The following DNAH11 variants were observed in gnomAD, a reference collection of about 807,000 sequenced individuals.
DNAH11 encodes axonemal beta dynein heavy chain 11.
In DNAH11, 442 loss-of-function variants were observed where a neutral mutation model predicts 526.0. That is an observed-to-expected ratio of 0.84 (90% CI 0.78 to 0.91). The LOEUF (loss-of-function observed/expected upper bound fraction) is 0.91. DNAH11 is among the 40% of genes least tolerant of loss of function. The probability of loss-of-function intolerance (pLI) is 0.00; values close to 1 mark genes in which losing one functional copy is unlikely to be tolerated. For synonymous variants in DNAH11, 2,461 were observed against 1,935.9 expected (o/e 1.27, Z -7.12); for missense variants, 6,989 against 5,448.7 (o/e 1.28, Z -8.90).
At chr7:21,742,191 C>T in intron 49 of DNAH11, 25 bp downstream of exon 49, 1 of 1,608,394 alleles carries the variant, frequency 6.2e-7, no homozygotes, top group South Asian at 1.1e-5. Flanking sequence ...CTATGTTATG[C>T]CTCTTGAGTA....
intron 74 of DNAH11, among the ~76,000 whole-genome samples, chr7:21,877,644 G>A (rs1045267290): frequency 1.3e-5 from 2 of 151,966 alleles, no homozygotes; most frequent in African/African-American, 4.8e-5. Flanking sequence ...GGGAGGCCGA[G>A]GCGGGCGGAT....
At chr7:21,680,237 C>T (rs1783083907) in intron 30 of DNAH11, among the ~76,000 whole-genome samples, 1 of 152,130 alleles carries the variant, frequency 6.6e-6, no homozygotes, top group Non-Finnish European at 1.5e-5. Context: ...CAGTAGGCTA[C>T]AAAGGTTTGA....
intron 66 of DNAH11, among the ~76,000 whole-genome samples, chr7:21,846,931 C>T (rs533968136): frequency 6.6e-6 from 1 of 152,158 alleles, no homozygotes; most frequent in Admixed American, 6.5e-5. Flanking sequence ...AGATTCTGCC[C>T]TCCAAAGTTT....
intron 30 of DNAH11, among the ~76,000 whole-genome samples, chr7:21,667,015 C>T (rs1227701861): frequency 6.6e-6 from 1 of 151,980 alleles, no homozygotes; most frequent in African/African-American, 2.4e-5. Context: ...CAGTCCAAAC[C>T]TATAAAAAGA....
intron 9 of DNAH11, 83 bp from the exon 10 acceptor site, chr7:21,587,979 AAG>A: frequency 7.7e-7 from 1 of 1,296,862 alleles, no homozygotes; most frequent in Non-Finnish European, 1.1e-6. Flanking sequence ...TTAGTCATGT[AAG>A]AGGTTTGAAG....
Position 21,658,930 on chromosome 7 carries a change from C to G in DNAH11, c.5227C>G (p.Leu1743Val). Residue 1743 changes from leucine to valine, a missense_variant, in exon 30 of 82, where the codon CTA becomes GTA. By Grantham distance (32) the Leu-to-Val change is conservative. Coordinates refer to ENST00000409508, the MANE Select transcript of DNAH11 (RefSeq NM_001277115.2). Reference sequence around the variant, plus strand: ...TTTTGATTTCCCAGCTCAGGTTGCACTAACCAGCTCACAAATATGGTGGAC... The same window carrying G: ...TTTTGATTTCCCAGCTCAGGTTGCAGTAACCAGCTCACAAATATGGTGGAC... Reference protein sequence around the residue: ...WIFDFPAQVALTSSQIWWTTD... With the variant: ...WIFDFPAQVAVTSSQIWWTTD... 1 of 1,610,630 alleles carries G rather than the reference C, an allele frequency of 6.2e-7. No individual in the cohort carries two copies. The highest frequency in any genetic ancestry group is 8.5e-7 in the Non-Finnish European group (1 of 1,178,562).
chr7:21,754,443 T>G (rs1441587993), intron 54 of DNAH11, among the ~76,000 whole-genome samples: 1 of 152,336 alleles, frequency 6.6e-6, no homozygotes, highest in East Asian at 1.9e-4. Context: ...TAGGCAGACC[T>G]TACTGAAACT....
chr7:21,552,360 A>T (rs571458263), intron 2 of DNAH11, among the ~76,000 whole-genome samples: 1 of 152,194 alleles, frequency 6.6e-6, no homozygotes, highest in Non-Finnish European at 1.5e-5. Context: ...AAACCTAAAA[A>T]TTTTTGGAGT....
In DNAH11 at chr7:21,545,274, T is replaced by TAAAAAAAAAAAAA. The variant is rs10634177; in HGVS notation, c.495+135_495+147dup. 34 of 131,792 alleles carry TAAAAAAAAAAAAA rather than the reference T, an allele frequency of 2.6e-4. 3 individuals carry two copies. Among genetic ancestry groups the TAAAAAAAAAAAAA allele is most frequent in the African/African-American group, 1.6e-3 (30 of 18,360 alleles). 8.2% of individuals were successfully genotyped at this position (131,792 alleles called of 1,614,324 possible). A position where few individuals can be genotyped will look rare whatever the true frequency, so the allele number is the denominator to read the frequency against. On this transcript the variant is annotated intron_variant, in intron 2 of 81. Transcript: ENST00000409508. ...GGGAAGGGAAGGGGATGGGGGTGGTTAAAAAAAAAAAAAAAAAAAAAAGCT... is the reference window on the plus strand; with the variant it reads ...GGGAAGGGAAGGGGATGGGGGTGGTTAAAAAAAAAAAAAAAAAAAAAAAAAAAAAAAAAAAGCT...
chr7:21,638,721 T>TGC (rs930387094), intron 27 of DNAH11, among the ~76,000 whole-genome samples: 1 of 151,738 alleles, frequency 6.6e-6, no homozygotes, highest in African/African-American at 2.4e-5. Context: ...TGTGTGTGTG[T>TGC]GTGTGTGTGT....
At chr7:21,583,705 A>G (rs909249674) in intron 9 of DNAH11, among the ~76,000 whole-genome samples, 1 of 152,238 alleles carries the variant, frequency 6.6e-6, no homozygotes, top group Non-Finnish European at 1.5e-5. Flanking sequence ...TCTAATATCC[A>G]GAATCTACAA....
intron 28 of DNAH11, among the ~76,000 whole-genome samples, chr7:21,645,104 A>G (rs1348015852): frequency 6.6e-6 from 1 of 152,272 alleles, no homozygotes. Flanking sequence ...GTGAGATTAA[A>G]GTAAAATATC....
chr7:21,740,274 C>G (rs1448111618), intron 48 of DNAH11, among the ~76,000 whole-genome samples: 2 of 152,088 alleles, frequency 1.3e-5, no homozygotes, highest in Non-Finnish European at 2.9e-5. Context: ...GTGTACAGTT[C>G]AGTAATATTA....
At chr7:21,794,611 G>C (rs909080284) in intron 61 of DNAH11, among the ~76,000 whole-genome samples, 4 of 152,170 alleles carry the variant, frequency 2.6e-5, no homozygotes, top group Non-Finnish European at 5.9e-5. Flanking sequence ...AAGACCCATG[G>C]AGTGTGCCTT....
chr7:21,593,509 T>G (rs998295173), intron 14 of DNAH11, among the ~76,000 whole-genome samples: 2 of 152,130 alleles, frequency 1.3e-5, no homozygotes, highest in African/African-American at 4.8e-5. Flanking sequence ...TTCAGGATGT[T>G]TGTATGTTAA....
intron 67 of DNAH11, among the ~76,000 whole-genome samples, chr7:21,853,510 GTCT>G (rs551844845): frequency 4.5e-4 from 68 of 152,272 alleles, no homozygotes; most frequent in African/African-American, 1.6e-3. Context: ...CTTAAAATGT[GTCT>G]TCCTATCTTC....
chr7:21,850,321 G>T (rs11767767), intron 66 of DNAH11, among the ~76,000 whole-genome samples: 1 of 145,752 alleles, frequency 6.9e-6, no homozygotes, highest in East Asian at 2.0e-4. Context: ...GCGCCACAGC[G>T]CTCCAGCCTG....
At chr7:21,763,169 C>G (rs189339193) in intron 54 of DNAH11, among the ~76,000 whole-genome samples, 207 of 151,902 alleles carry the variant, frequency 1.4e-3, no homozygotes, top group Admixed American at 2.4e-3. Context: ...TAGTAAAACC[C>G]TGTCTCTACT....
Position 21,620,315 on chromosome 7 carries a change from A to G in DNAH11, c.4500+237A>G, listed in dbSNP as rs149888497. Among the ~76,000 whole-genome samples the G allele has an allele frequency of 2.9e-4, 44 of 152,246 alleles. No homozygotes were observed. The East Asian group carries it at 7.7e-3, about 27-fold the overall frequency. ...ATTTATTGTAGTCACCAACTGTGCA[A>G]TAGATCACTAAAGCTTATTCCTCCT... On this transcript the variant is annotated intron_variant, in intron 25 of 81. Transcript: ENST00000409508.
Sources: gnomAD v4.1 joint callset for allele counts (sites outside exome capture counted in the v4.1 genomes callset) on GRCh38, gnomAD v4.1.1 for gene constraint, MANE v1.5 for transcripts, NCBI Gene and HGNC (gene_info 2026-07-23, HGNC 2026-07-21) for gene names.